Variants in LRMDA observed in about 807,000 individuals in gnomAD.
The protein encoded by LRMDA is leucine-rich melanocyte differentiation-associated protein.
Under a neutral mutation model 29.8 loss-of-function variants are expected in LRMDA, and 18 were observed. That is an observed-to-expected ratio of 0.60 (90% CI 0.42 to 0.90). The LOEUF is 0.90. Among genes scored for constraint, LRMDA ranks in the 40% least tolerant of loss-of-function variants. The pLI is 0.00. For synonymous variants in LRMDA, 125 were observed against 109.4 expected (o/e 1.14, Z -0.89); for missense variants, 273 against 273.9 (o/e 1.00, Z 0.02).
intron 5 of LRMDA, among the ~76,000 whole-genome samples, chr10:76,233,111 G>A (rs1010070219): frequency 6.6e-6 from 1 of 152,198 alleles, no homozygotes; most frequent in African/African-American, 2.4e-5. Flanking sequence ...CAGCTTGGAG[G>A]TGGGATTTCA....
intron 2 of LRMDA, among the ~76,000 whole-genome samples, chr10:75,797,043 G>T (rs1402843115): frequency 6.6e-6 from 1 of 152,090 alleles, no homozygotes; most frequent in Non-Finnish European, 1.5e-5. Flanking sequence ...GTGTAATTTT[G>T]GGTTTTTTTT....
chr10:76,545,668 A>ATTG (rs1376669340), intron 6 of LRMDA, among the ~76,000 whole-genome samples: 22 of 147,288 alleles, frequency 1.5e-4, no homozygotes, highest in African/African-American at 5.0e-4. Context: ...TATTATTATT[A>ATTG]TTATTGTTAT....
chr10:75,595,270 G>T (rs938754974), intron 2 of LRMDA, among the ~76,000 whole-genome samples: 1 of 152,256 alleles, frequency 6.6e-6, no homozygotes, highest in Middle Eastern at 3.4e-3. Context: ...TGTTGCAATT[G>T]AAGTTCAGTC....
chr10:75,967,839 G>C (rs1422957213), intron 2 of LRMDA, among the ~76,000 whole-genome samples: 2 of 152,092 alleles, frequency 1.3e-5, no homozygotes, highest in Admixed American at 1.3e-4. Flanking sequence ...AGGCCCACGA[G>C]TTAACCCTTT....
Position 75,934,172 on chromosome 10 carries a change from G to A in LRMDA, c.132-101836G>A, listed in dbSNP as rs377024726. ...CTGACCTAAGGAAAGTGAAATATGA[G>A]TGAATGCCTTTATGCTTTCTTTATG... On this transcript the variant is annotated intron_variant, in intron 2 of 6. Coordinates refer to ENST00000611255, the MANE Select transcript of LRMDA (RefSeq NM_001305581.2). 3.3e-5 allele frequency among the ~76,000 whole-genome samples: 5 copies of A among 152,320 alleles called. No individual in the cohort carries two copies. The South Asian group carries it at 8.3e-4, about 25-fold the overall frequency.
At chr10:75,516,960 G>A (rs1013068818) in intron 2 of LRMDA, among the ~76,000 whole-genome samples, 5 of 151,932 alleles carry the variant, frequency 3.3e-5, no homozygotes, top group Non-Finnish European at 5.9e-5. Flanking sequence ...ATAGGGAATC[G>A]TTTCCCCATT....
intron 2 of LRMDA, among the ~76,000 whole-genome samples, chr10:75,739,158 C>CA (rs1337855097): frequency 6.6e-6 from 1 of 152,210 alleles, no homozygotes; most frequent in Non-Finnish European, 1.5e-5. Context: ...GCGACTTTGA[C>CA]AAAGTACTGC....
At chr10:76,192,812 A>C (rs1379983870) in intron 5 of LRMDA, among the ~76,000 whole-genome samples, 1 of 152,148 alleles carries the variant, frequency 6.6e-6, no homozygotes, top group African/African-American at 2.4e-5. Flanking sequence ...TGCTCTCTCT[A>C]GTCTATTACC....
At chr10:76,088,151 A>G (rs571850021) in intron 5 of LRMDA, among the ~76,000 whole-genome samples, 170 of 152,268 alleles carry the variant, frequency 1.1e-3, no homozygotes, top group African/African-American at 4.0e-3. Context: ...TCTAACCATC[A>G]GAACTATCCA....
chr10:75,762,965 T>G (rs774081030), intron 2 of LRMDA, among the ~76,000 whole-genome samples: 14 of 152,302 alleles, frequency 9.2e-5, no homozygotes, highest in Non-Finnish European at 1.6e-4. Flanking sequence ...CATTTCTTCC[T>G]ACCAAGAAAG....
At chr10:75,964,541 G>C (rs149943996) in intron 2 of LRMDA, among the ~76,000 whole-genome samples, 1 of 152,252 alleles carries the variant, frequency 6.6e-6, no homozygotes, top group East Asian at 1.9e-4. Flanking sequence ...AGACTAGTAG[G>C]TTTAAGCAAA....
intron 2 of LRMDA, among the ~76,000 whole-genome samples, chr10:75,728,172 T>A (rs1247322344): frequency 6.6e-6 from 1 of 152,206 alleles, no homozygotes; most frequent in Non-Finnish European, 1.5e-5. Context: ...ATAGAAATGT[T>A]GGTTTGACTG....
intron 2 of LRMDA, among the ~76,000 whole-genome samples, chr10:75,598,162 G>A (rs1042854457): frequency 6.6e-6 from 1 of 152,188 alleles, no homozygotes; most frequent in Admixed American, 6.5e-5. Flanking sequence ...AGAGAATACA[G>A]TGTGTATTTT....
At chr10:76,146,920 T>C (rs1850334855) in intron 5 of LRMDA, among the ~76,000 whole-genome samples, 1 of 152,176 alleles carries the variant, frequency 6.6e-6, no homozygotes, top group South Asian at 2.1e-4. Context: ...GTCTGTAAAG[T>C]ATTTTATTTC....
At chr10:76,159,723 C>T (rs183319591) in intron 5 of LRMDA, among the ~76,000 whole-genome samples, 18 of 152,208 alleles carry the variant, frequency 1.2e-4, no homozygotes, top group African/African-American at 3.9e-4. Flanking sequence ...AGCTATCAAA[C>T]CATGCAAAGA....
intron 2 of LRMDA, among the ~76,000 whole-genome samples, chr10:76,029,344 C>A (rs1848112573): frequency 6.6e-6 from 1 of 152,006 alleles, no homozygotes; most frequent in East Asian, 1.9e-4. Context: ...AATACCAAGG[C>A]TATGAAAAAA....
chr10:75,915,127 T>C (rs1188819132), intron 2 of LRMDA, among the ~76,000 whole-genome samples: 5 of 116,826 alleles, frequency 4.3e-5, no homozygotes, highest in Admixed American at 1.7e-4. Flanking sequence ...CTTCTTTTTT[T>C]TTTTTTTTTT....
At chr10:75,755,168 T>C (rs1843016802) in intron 2 of LRMDA, among the ~76,000 whole-genome samples, 1 of 152,228 alleles carries the variant, frequency 6.6e-6, no homozygotes, top group African/African-American at 2.4e-5. Flanking sequence ...ACAGACACAG[T>C]CTTTCACTTT....
chr10:75,728,649 C>A (rs1171167284), intron 2 of LRMDA, among the ~76,000 whole-genome samples: 1 of 152,050 alleles, frequency 6.6e-6, no homozygotes, highest in Non-Finnish European at 1.5e-5. Context: ...AGACGGAGCA[C>A]TGGGGAGGAG....
Sources: allele counts gnomAD v4.1 joint callset (sites outside exome capture counted in the v4.1 genomes callset), GRCh38; gene constraint gnomAD v4.1.1; transcripts MANE v1.5; gene names NCBI Gene and HGNC (gene_info 2026-07-23, HGNC 2026-07-21).